Variants in CDH13 observed in about 807,000 individuals in gnomAD.
CDH13 encodes the protein cadherin-13.
In CDH13, 24 loss-of-function variants were observed where a neutral mutation model predicts 63.8. The observed-to-expected ratio is 0.38, with a 90% CI of 0.27 to 0.53. The LOEUF (loss-of-function observed/expected upper bound fraction) is 0.53, where lower values mean the gene tolerates loss of function less well. Ranked by LOEUF, CDH13 falls within the 20% of genes least tolerant of loss-of-function variation. The pLI is 0.85. For synonymous variants in CDH13, 503 were observed against 355.3 expected (o/e 1.42, Z -4.67); for missense variants, 1,049 against 903.1 (o/e 1.16, Z -2.07).
At chr16:82,776,210 AAAGGAAGGAAGGGATG>A (rs1378500806) in intron 1 of CDH13, among the ~76,000 whole-genome samples, 1 of 149,072 alleles carries the variant, frequency 6.7e-6, no homozygotes, top group African/African-American at 2.5e-5. Context: ...ACTGTTGAAG[AAAGGAAGGAAGGGATG>A]AAGGAAGGAA....
chr16:83,043,975 A>G (rs1917558612), intron 3 of CDH13, among the ~76,000 whole-genome samples: 1 of 152,252 alleles, frequency 6.6e-6, no homozygotes, highest in Non-Finnish European at 1.5e-5. Flanking sequence ...AGTACTTAAT[A>G]AGCACAAGCA....
At chr16:83,784,369 C>T (rs1004876192) in intron 13 of CDH13, among the ~76,000 whole-genome samples, 11 of 152,162 alleles carry the variant, frequency 7.2e-5, no homozygotes, top group Admixed American at 5.9e-4. Context: ...CGGTGGCTCA[C>T]ACCTATAATC....
At chr16:83,379,401 G>A (rs543299456) in intron 6 of CDH13, among the ~76,000 whole-genome samples, 4 of 152,142 alleles carry the variant, frequency 2.6e-5, no homozygotes, top group East Asian at 1.9e-4. Context: ...GTGGAGAGAC[G>A]GATGAGTGGA....
intron 2 of CDH13, among the ~76,000 whole-genome samples, chr16:82,974,305 G>A (rs1909194494): frequency 1.3e-5 from 2 of 152,184 alleles, no homozygotes; most frequent in Non-Finnish European, 2.9e-5. Flanking sequence ...TCCATTCACT[G>A]TGTGTCCTTG....
At position 82,767,305 on chromosome 16, in the gene CDH13, C is replaced by T. The variant is rs117745248; in HGVS notation, c.46-91057C>T. 1.1e-3 allele frequency among the ~76,000 whole-genome samples: 164 copies of T among 152,272 alleles called. 1 individual carries two copies. In the East Asian group the frequency reaches 0.027, roughly 25 times the overall value. On this transcript the variant is annotated intron_variant, in intron 1 of 13. Transcript: ENST00000567109. ...GCCTCTTCCGAGTCAATTCTGACTC[C>T]TACCACAGCAAAAGTAACCATTGCT...
chr16:83,149,750 G>A (rs181880222), intron 4 of CDH13, among the ~76,000 whole-genome samples: 48 of 152,260 alleles, frequency 3.2e-4, no homozygotes, highest in Admixed American at 7.2e-4. Context: ...CTGGGGTGCT[G>A]GGGCTGGCTC....
chr16:83,431,927 A>T (rs923395485), intron 6 of CDH13, among the ~76,000 whole-genome samples: 5 of 152,214 alleles, frequency 3.3e-5, no homozygotes, highest in Non-Finnish European at 7.3e-5. Flanking sequence ...TTGCAGTGAT[A>T]CATACGGCCA....
chr16:83,034,010 C>T (rs1916620389), intron 3 of CDH13, among the ~76,000 whole-genome samples: 1 of 152,078 alleles, frequency 6.6e-6, no homozygotes, highest in Non-Finnish European at 1.5e-5. Context: ...GGTCACACAG[C>T]TGGGAGCAGA....
intron 6 of CDH13, among the ~76,000 whole-genome samples, chr16:83,386,803 G>T (rs1274127678): frequency 6.6e-6 from 1 of 152,150 alleles, no homozygotes; most frequent in Non-Finnish European, 1.5e-5. Flanking sequence ...GATGTCAGGG[G>T]TGTCCCCACT....
chr16:83,301,693 A>C (rs1309227065), intron 5 of CDH13, among the ~76,000 whole-genome samples: 5 of 152,050 alleles, frequency 3.3e-5, no homozygotes, highest in African/African-American at 1.2e-4. Flanking sequence ...AGTGTACCTT[A>C]TTATGGCTAT....
At chr16:82,887,778 C>T (rs577055717) in intron 2 of CDH13, among the ~76,000 whole-genome samples, 1 of 152,122 alleles carries the variant, frequency 6.6e-6, no homozygotes, top group African/African-American at 2.4e-5. Flanking sequence ...TCTGAGCTCG[C>T]ACCACTGCAC....
At chr16:83,722,747 G>A (rs1275829582) in intron 10 of CDH13, among the ~76,000 whole-genome samples, 1 of 152,192 alleles carries the variant, frequency 6.6e-6, no homozygotes, top group Non-Finnish European at 1.5e-5. Context: ...AGGTTACAGT[G>A]CTGAGCTATT....
In CDH13 at chr16:83,737,356, C is replaced by T. The variant is rs567971051; in HGVS notation, c.1539-10752C>T. Among the ~76,000 whole-genome samples the T allele has an allele frequency of 8.9e-4, 135 of 152,296 alleles. No homozygotes were observed. In the South Asian group the frequency reaches 0.012, roughly 14 times the overall value. On this transcript the variant is annotated intron_variant, in intron 10 of 13. Transcript: ENST00000567109. ...TACTAAGAGCCTTCCAATAAAAGAA[C>T]AGTTTAAGCCAATATTGTTTCACCA... is the stretch of plus-strand genomic sequence containing the variant.
chr16:82,709,998 A>C (rs2090333233), intron 1 of CDH13, among the ~76,000 whole-genome samples: 1 of 152,102 alleles, frequency 6.6e-6, no homozygotes, highest in African/African-American at 2.4e-5. Context: ...TGGGCTTGAT[A>C]GCATGGGTTA....
intron 11 of CDH13, among the ~76,000 whole-genome samples, chr16:83,748,869 A>G (rs1025518387): frequency 1.3e-5 from 2 of 152,326 alleles, no homozygotes; most frequent in African/African-American, 4.8e-5. Context: ...AAGTGCCACG[A>G]TTGTTCTCTG....
intron 10 of CDH13, among the ~76,000 whole-genome samples, chr16:83,744,465 A>C (rs1000000746): frequency 3.3e-5 from 5 of 152,246 alleles, no homozygotes; most frequent in Non-Finnish European, 7.3e-5. Context: ...AAATAGTGAA[A>C]GGATCATTGC....
At chr16:83,503,909 A>G (rs561764675) in intron 7 of CDH13, among the ~76,000 whole-genome samples, 7 of 148,622 alleles carry the variant, frequency 4.7e-5, no homozygotes, top group African/African-American at 1.2e-4. Flanking sequence ...AGATCCCCAT[A>G]GTCAATTTTG....
chr16:83,679,353 C>T (rs1230731307), intron 10 of CDH13, among the ~76,000 whole-genome samples: 2 of 152,218 alleles, frequency 1.3e-5, no homozygotes, highest in Admixed American at 6.5e-5. Flanking sequence ...ATCTAATCTT[C>T]TTCTCATATG....
intron 6 of CDH13, among the ~76,000 whole-genome samples, chr16:83,378,993 A>ATC (rs2091506932): frequency 7.1e-6 from 1 of 140,138 alleles, no homozygotes; most frequent in Non-Finnish European, 1.6e-5. Context: ...ACATGCATCT[A>ATC]TATATATATA....
Sources: gnomAD v4.1 joint callset for allele counts (sites outside exome capture counted in the v4.1 genomes callset) on GRCh38, gnomAD v4.1.1 for gene constraint, MANE v1.5 for transcripts, NCBI Gene and HGNC (gene_info 2026-07-23, HGNC 2026-07-21) for gene names.